Variants in ATF7IP2 observed in about 807,000 individuals in gnomAD.
ATF7IP2 encodes activating transcription factor 7-interacting protein 2.
Under a neutral mutation model 64.2 loss-of-function variants are expected in ATF7IP2, and 42 were observed. The observed-to-expected ratio is 0.65, with a 90% CI of 0.51 to 0.85. The LOEUF (loss-of-function observed/expected upper bound fraction) is 0.85, where lower values mean the gene tolerates loss of function less well. Ranked by LOEUF, ATF7IP2 falls within the 40% of genes least tolerant of loss-of-function variation. ATF7IP2 has a pLI of 0.00. For synonymous variants in ATF7IP2, 308 were observed against 272.8 expected, an observed-to-expected ratio of 1.13 and a Z score of -1.27; for missense variants, 933 against 784.2, an observed-to-expected ratio of 1.19 and a Z score of -2.27.
At chr16:10,472,303 C>A in intron 10 of ATF7IP2, 120 bp downstream of exon 10, 1 of 480,266 alleles carries the variant, frequency 2.1e-6, no homozygotes, top group South Asian at 4.3e-5. Flanking sequence ...AATGTACTCT[C>A]AAATGTTCTA....
At chr16:10,436,060 C>T (rs534024032) in intron 6 of ATF7IP2, among the ~76,000 whole-genome samples, 6 of 152,214 alleles carry the variant, frequency 3.9e-5, no homozygotes, top group Non-Finnish European at 7.4e-5. Context: ...TAATGGTCAT[C>T]GGTAAAAATA....
chr16:10,470,305 A>G (rs1303293107), intron 9 of ATF7IP2, among the ~76,000 whole-genome samples: 2 of 152,202 alleles, frequency 1.3e-5, no homozygotes, highest in Non-Finnish European at 2.9e-5. Context: ...TTCAGAGAAC[A>G]TAATATATTT....
chr16:10,480,887 G>T lies in ATF7IP2; in HGVS notation c.1558G>T (p.Val520Leu), dbSNP rs1318767643. ...GLSNCNTESP[V>L]SPLESHSKAA... ...CCTTGTGTTGTTCACAGAAAGTCCA[G>T]TATCCCCCCTGGAGTCACATTCGAA... is the stretch of plus-strand genomic sequence containing the variant. Residue 520 changes from valine (V) to leucine (L), a missense_variant, in exon 13 of 14, where the codon GTA becomes TTA. Val to Leu is a conservative substitution (Grantham distance 32). Transcript: ENST00000562102. 13 of 1,609,748 alleles carry T rather than the reference G, an allele frequency of 8.1e-6. No individual in the cohort carries two copies. The highest frequency in any genetic ancestry group is 1.0e-5 in the Non-Finnish European group (12 of 1,176,212).
At chr16:10,437,636 G>A (rs1180452293) in intron 6 of ATF7IP2, among the ~76,000 whole-genome samples, 1 of 152,160 alleles carries the variant, frequency 6.6e-6, no homozygotes, top group Non-Finnish European at 1.5e-5. Context: ...TAGCTTATTA[G>A]TGGTAATGTC....
At chr16:10,423,267 T>A (rs926146448) in intron 3 of ATF7IP2, among the ~76,000 whole-genome samples, 11 of 152,190 alleles carry the variant, frequency 7.2e-5, no homozygotes, top group South Asian at 4.2e-4. Flanking sequence ...TAAATAAATT[T>A]ATTTAAACTA....
At chr16:10,444,483 G>C (rs1398929902) in intron 8 of ATF7IP2, among the ~76,000 whole-genome samples, 1 of 152,182 alleles carries the variant, frequency 6.6e-6, no homozygotes, top group Admixed American at 6.5e-5. Context: ...TCAAGAGGCA[G>C]TGTTTGTGCT....
chr16:10,438,012 TG>T, intron 6 of ATF7IP2, 88 bp from the exon 7 acceptor site: 1 of 1,013,696 alleles, frequency 9.9e-7, no homozygotes, highest in Non-Finnish European at 1.4e-6. Flanking sequence ...ACAGTAAATC[TG>T]GAAAAGAGCA....
At chr16:10,425,834 G>A (rs537633485) in intron 3 of ATF7IP2, among the ~76,000 whole-genome samples, 18 of 151,670 alleles carry the variant, frequency 1.2e-4, no homozygotes, top group East Asian at 1.2e-3. Flanking sequence ...CAGAGGTTGC[G>A]ATGAGCTGAG....
intron 2 of ATF7IP2, among the ~76,000 whole-genome samples, chr16:10,419,006 A>G (rs1476171766): frequency 1.3e-5 from 2 of 152,240 alleles, no homozygotes; most frequent in Admixed American, 6.5e-5. Context: ...GGACCAATCA[A>G]TAATGATTCC....
At chr16:10,481,141 C>T (rs574678504) in intron 13 of ATF7IP2, among the ~76,000 whole-genome samples, 177 bp downstream of exon 13, 1 of 152,098 alleles carries the variant, frequency 6.6e-6, no homozygotes, top group African/African-American at 2.4e-5. Flanking sequence ...ACAGAAGCTA[C>T]AGAAATTAAA....
At chr16:10,479,932 T>A (rs1490979072) in intron 12 of ATF7IP2, among the ~76,000 whole-genome samples, 1 of 150,880 alleles carries the variant, frequency 6.6e-6, no homozygotes, top group Non-Finnish European at 1.5e-5. Flanking sequence ...GTCTGGTGAT[T>A]TCTCAGTGAT....
chr16:10,444,314 T>C (rs1208759717), intron 8 of ATF7IP2, among the ~76,000 whole-genome samples: 1 of 152,156 alleles, frequency 6.6e-6, no homozygotes, highest in Non-Finnish European at 1.5e-5. Flanking sequence ...CATGCCTTTT[T>C]CACCTGAGTG....
chr16:10,425,856 G>C (rs2048075137), intron 3 of ATF7IP2, among the ~76,000 whole-genome samples: 1 of 151,616 alleles, frequency 6.6e-6, no homozygotes, highest in Non-Finnish European at 1.5e-5. Flanking sequence ...TCATGCCATT[G>C]CACCCCAGCC....
rs1010026905 is a variant in ATF7IP2 at position 10,459,501 on chromosome 16, G to T, written c.1352+1972G>T. On this transcript the variant is annotated intron_variant, in intron 9 of 13. Coordinates refer to ENST00000562102, the MANE Select transcript of ATF7IP2 (RefSeq NM_001393719.1). ...AAAAAAAAAAAAAAATACAAAATTA[G>T]CTGGGCATGGTGGTGCATGCCTGTA... Among the ~76,000 whole-genome samples the T allele has an allele frequency of 6.5e-4, 98 of 150,852 alleles. 1 individual carries two copies. Among genetic ancestry groups the T allele is most frequent in the African/African-American group, 2.0e-3 (84 of 41,054 alleles).
At chr16:10,443,298 T>C (rs1208095082) in intron 8 of ATF7IP2, among the ~76,000 whole-genome samples, 1 of 152,154 alleles carries the variant, frequency 6.6e-6, no homozygotes, top group Non-Finnish European at 1.5e-5. Context: ...CATCGTTAGA[T>C]GGAAGCTGGG....
intron 12 of ATF7IP2, among the ~76,000 whole-genome samples, chr16:10,476,368 A>G (rs2050007955): frequency 6.6e-6 from 1 of 152,244 alleles, no homozygotes; most frequent in South Asian, 2.1e-4. Flanking sequence ...ATCACAGGAT[A>G]TAAAGGATCT....
intron 8 of ATF7IP2, 126 bp from the exon 9 acceptor site, chr16:10,457,246 A>C: frequency 1.3e-6 from 1 of 773,708 alleles, no homozygotes; most frequent in Non-Finnish European, 2.1e-6. Context: ...CAGCCATCGA[A>C]ATACATGTGA....
chr16:10,412,979 C>A (rs368917730), intron 1 of ATF7IP2, among the ~76,000 whole-genome samples: 4 of 152,170 alleles, frequency 2.6e-5, no homozygotes, highest in African/African-American at 9.7e-5. Flanking sequence ...AGAATAGCTA[C>A]TCCTGCTTGC....
intron 12 of ATF7IP2, among the ~76,000 whole-genome samples, chr16:10,479,353 G>T (rs561795360): frequency 5.9e-5 from 9 of 152,156 alleles, no homozygotes; most frequent in African/African-American, 1.9e-4. Flanking sequence ...CCGTTGTAGG[G>T]ACATGGATGA....
Sources: allele counts gnomAD v4.1 joint callset (sites outside exome capture counted in the v4.1 genomes callset), GRCh38; gene constraint gnomAD v4.1.1; transcripts MANE v1.5; gene names NCBI Gene and HGNC (gene_info 2026-07-23, HGNC 2026-07-21).